The following CPQ variants were observed in gnomAD, a reference collection of about 807,000 sequenced individuals.
CPQ encodes the protein Ser-Met dipeptidase.
In CPQ, 37 loss-of-function variants were observed where a neutral mutation model predicts 45.7. The observed-to-expected ratio is 0.81, with a 90% CI of 0.62 to 1.07. The LOEUF is 1.07. CPQ is among the 50% of genes least tolerant of loss of function. CPQ has a pLI of 0.00. For missense variants in CPQ, 537 were observed against 572.9 expected (o/e 0.94, Z 0.64); for synonymous variants, 186 against 205.8 (o/e 0.90, Z 0.82).
rs1411866871 is a variant in CPQ, at chr8:96,883,669, C to G, written c.849+3664C>G. 2.0e-5 allele frequency among the ~76,000 whole-genome samples: 3 copies of G among 152,252 alleles called. No individual in the cohort carries two copies. In the East Asian group the frequency reaches 5.8e-4, roughly 29 times the overall value. On this transcript the variant is annotated intron_variant, in intron 4 of 7. Transcript: ENST00000220763. ...AAGGCAAGCAAGAAGCATGAAGTCC[C>G]TCTGCAGGTGTTAAGTTGACTAATG...
At chr8:97,076,257 G>T (rs537571653) in intron 7 of CPQ, among the ~76,000 whole-genome samples, 74 of 151,594 alleles carry the variant, frequency 4.9e-4, no homozygotes, top group Non-Finnish European at 8.5e-4. Context: ...AACACCTGAC[G>T]TCGTGATCCT....
chr8:96,740,069 T>C (rs369257645), intron 1 of CPQ, among the ~76,000 whole-genome samples: 13 of 151,964 alleles, frequency 8.6e-5, no homozygotes, highest in African/African-American at 2.9e-4. Flanking sequence ...GCCATTTTCA[T>C]GATATTGATT....
rs555818899 is a variant in CPQ, at chr8:96,692,835, C to T, written c.-35+47433C>T. ...CAAGACCGTCCAGAAAACATAATCT[C>T]ACCAAATGAACTCAATAAGGTGCCA... On this transcript the variant is annotated intron_variant, in intron 1 of 7. Transcript: ENST00000220763. Among the ~76,000 whole-genome samples, 39 of 152,172 alleles carry T rather than the reference C, an allele frequency of 2.6e-4. No individual in the cohort carries two copies. In the South Asian group the frequency reaches 6.2e-3, roughly 24 times the overall value.
intron 2 of CPQ, among the ~76,000 whole-genome samples, chr8:96,810,808 T>G (rs1811152216): frequency 6.6e-6 from 1 of 152,190 alleles, no homozygotes; most frequent in Non-Finnish European, 1.5e-5. Context: ...CTGTTATTTC[T>G]CATTGAAGCA....
At chr8:96,882,664 C>A (rs1812244206) in intron 4 of CPQ, among the ~76,000 whole-genome samples, 1 of 152,110 alleles carries the variant, frequency 6.6e-6, no homozygotes, top group South Asian at 2.1e-4. Context: ...AGCCAGAGGG[C>A]TGAGATAGTG....
intron 7 of CPQ, among the ~76,000 whole-genome samples, chr8:97,096,814 A>G (rs1811217098): frequency 1.3e-5 from 2 of 152,246 alleles, no homozygotes; most frequent in South Asian, 4.1e-4. Context: ...GGTTGCTGCC[A>G]TGCAGGCATC....
intron 5 of CPQ, among the ~76,000 whole-genome samples, chr8:96,977,077 G>C (rs1813802591): frequency 6.6e-6 from 1 of 152,030 alleles, no homozygotes; most frequent in Non-Finnish European, 1.5e-5. Flanking sequence ...CAGAGTGGGA[G>C]AAAATCTTTA....
In CPQ at chr8:96,785,313, T is replaced by A; in HGVS notation, c.416T>A (p.Ile139Asn). The A allele has an allele frequency of 1.2e-6, 2 of 1,607,142 alleles. No individual in the cohort carries two copies. The highest frequency in any genetic ancestry group is 1.7e-6 in the Non-Finnish European group (2 of 1,175,876). Residue 139 changes from isoleucine (I) to asparagine (N), a missense_variant, in exon 2 of 8, where the codon ATT (isoleucine) becomes AAT (asparagine). Physicochemically the swap from Ile to Asn is moderately radical, Grantham distance 149. Coordinates refer to ENST00000220763, the MANE Select transcript of CPQ (RefSeq NM_016134.4). ...KIAILGLGSS[I>N]GTPPEGITAE... ...GCCATCCTGGGTCTTGGCAGCAGCATTGGGACTCCTCCAGAAGGTATTGTT... is the reference window on the plus strand; with the variant it reads ...GCCATCCTGGGTCTTGGCAGCAGCAATGGGACTCCTCCAGAAGGTATTGTT...
intron 5 of CPQ, among the ~76,000 whole-genome samples, chr8:97,018,545 ACAAT>A (rs1442708866): frequency 1.3e-5 from 2 of 152,222 alleles, no homozygotes; most frequent in African/African-American, 2.4e-5. Flanking sequence ...TAAATAAAAA[ACAAT>A]CAAAACTTCA....
chr8:96,739,874 A>G (rs941323859), intron 1 of CPQ, among the ~76,000 whole-genome samples: 296 of 152,144 alleles, frequency 1.9e-3, no homozygotes, highest in Admixed American at 3.0e-3. Context: ...GCCTAGTAGT[A>G]TAGTTTGAAG....
intron 5 of CPQ, among the ~76,000 whole-genome samples, chr8:97,013,079 C>G (rs186297903): frequency 6.6e-6 from 1 of 152,084 alleles, no homozygotes; most frequent in Non-Finnish European, 1.5e-5. Flanking sequence ...CAGCCTATTT[C>G]CACCTACCCC....
chr8:96,994,008 C>T (rs989462218), intron 5 of CPQ, among the ~76,000 whole-genome samples: 1 of 152,102 alleles, frequency 6.6e-6, no homozygotes, highest in African/African-American at 2.4e-5. Context: ...CAGGGCCTAA[C>T]TGGTTAAGAG....
At chr8:97,046,688 G>A (rs1586513374) in intron 6 of CPQ, among the ~76,000 whole-genome samples, 1 of 152,162 alleles carries the variant, frequency 6.6e-6, no homozygotes, top group African/African-American at 2.4e-5. Context: ...TGCCATATTT[G>A]TAAATGTGTT....
chr8:96,794,447 C>T (rs1455294394), intron 2 of CPQ, among the ~76,000 whole-genome samples: 3 of 152,182 alleles, frequency 2.0e-5, no homozygotes, highest in Non-Finnish European at 4.4e-5. Flanking sequence ...ATCCTGGGCC[C>T]AGCCCATGAA....
At position 97,143,018 on chromosome 8, in the gene CPQ, A is replaced by G. The variant is rs1324150997; in HGVS notation, c.1256-2A>G. ...TAAGAATTCTTCCTCTTTTATCCCC[A>G]GGAGCCAGTCTACTTGATGACTTAT... On this transcript the variant is annotated splice_acceptor_variant, in intron 7 of 7. Coordinates refer to ENST00000220763, the MANE Select transcript of CPQ (RefSeq NM_016134.4). LOFTEE classifies it high-confidence loss of function. The G allele has an allele frequency of 1.2e-6, 2 of 1,613,580 alleles. No individual in the cohort carries two copies. The highest frequency in any genetic ancestry group is 4.5e-5 in the East Asian group (2 of 44,854).
intron 1 of CPQ, among the ~76,000 whole-genome samples, chr8:96,717,024 A>AATATATATATATAT (rs58338307): frequency 5.5e-4 from 31 of 56,556 alleles, no homozygotes; most frequent in Non-Finnish European, 6.5e-4. Context: ...CCATGATATA[A>AATATATATATATAT]ATATATATAT....
At chr8:96,880,027 C>A in intron 4 of CPQ, 22 bp downstream of exon 4, 5 of 1,593,544 alleles carry the variant, frequency 3.1e-6, no homozygotes, top group Non-Finnish European at 4.3e-6. Flanking sequence ...AGAAGGCTGG[C>A]CTAAGAATAC....
At chr8:97,082,445 A>T (rs1810966413) in intron 7 of CPQ, among the ~76,000 whole-genome samples, 1 of 152,198 alleles carries the variant, frequency 6.6e-6, no homozygotes, top group Non-Finnish European at 1.5e-5. Context: ...GCAGGTAAAT[A>T]CAATAACCAG....
intron 2 of CPQ, among the ~76,000 whole-genome samples, chr8:96,807,156 G>T (rs1412594157): frequency 6.6e-6 from 1 of 151,986 alleles, no homozygotes; most frequent in Non-Finnish European, 1.5e-5. Context: ...GCAGTGCAAG[G>T]GAAAGTAAGC....
Sources: gnomAD v4.1 joint callset for allele counts (sites outside exome capture counted in the v4.1 genomes callset) on GRCh38, gnomAD v4.1.1 for gene constraint, MANE v1.5 for transcripts, NCBI Gene and HGNC (gene_info 2026-07-23, HGNC 2026-07-21) for gene names.